The following WWOX variants were observed in gnomAD, a reference collection of about 807,000 sequenced individuals.
The protein encoded by WWOX is WW domain containing oxidoreductase.
In WWOX, 69 loss-of-function variants were observed where a neutral mutation model predicts 46.2. The observed-to-expected ratio is 1.49, with a 90% CI of 1.23 to 1.82. The LOEUF is 1.82. WWOX is among the 40% of genes most tolerant of loss of function. WWOX has a pLI of 0.00. For synonymous variants in WWOX, 359 were observed against 202.6 expected, an observed-to-expected ratio of 1.77 and a Z score of -6.56; for missense variants, 919 against 542.6, an observed-to-expected ratio of 1.69 and a Z score of -6.89.
chr16:78,257,813 C>G (rs1011642790), intron 5 of WWOX, among the ~76,000 whole-genome samples: 1 of 152,182 alleles, frequency 6.6e-6, no homozygotes. Flanking sequence ...CCTTCTAAGA[C>G]TTAGATTCTG....
At chr16:78,864,819 G>A (rs1359062506) in intron 8 of WWOX, among the ~76,000 whole-genome samples, 2 of 137,792 alleles carry the variant, frequency 1.5e-5, no homozygotes, top group Non-Finnish European at 3.0e-5. Flanking sequence ...CTGGAGTGCA[G>A]TGGTGTGAAC....
At chr16:79,071,582 T>TCC (rs2048552159) in intron 8 of WWOX, among the ~76,000 whole-genome samples, 1 of 152,244 alleles carries the variant, frequency 6.6e-6, no homozygotes, top group Non-Finnish European at 1.5e-5. Context: ...CTTCACTGGC[T>TCC]CTCTGCCAGC....
intron 4 of WWOX, among the ~76,000 whole-genome samples, chr16:78,125,727 C>G (rs1010111480): frequency 1.3e-5 from 2 of 152,034 alleles, no homozygotes; most frequent in African/African-American, 4.8e-5. Flanking sequence ...AAAGCTGAAG[C>G]TTTCTTTACC....
At chr16:79,210,321 A>T (rs2051682467) in intron 8 of WWOX, among the ~76,000 whole-genome samples, 1 of 152,172 alleles carries the variant, frequency 6.6e-6, no homozygotes, top group African/African-American at 2.4e-5. Context: ...CCTATTTCTC[A>T]GTATGGACCT....
chr16:78,404,177 G>T (rs372330754), intron 6 of WWOX, among the ~76,000 whole-genome samples: 2 of 152,084 alleles, frequency 1.3e-5, no homozygotes, highest in East Asian at 3.8e-4. Context: ...GGAGGGACTC[G>T]GGGGTTTTTT....
chr16:78,757,107 T>C (rs897458593), intron 8 of WWOX: 4 of 692,396 alleles, frequency 5.8e-6, no homozygotes, highest in East Asian at 2.7e-5. Flanking sequence ...GGAACTTTAT[T>C]TGAGCCCCTA....
At chr16:78,562,979 A>G (rs1159495602) in intron 8 of WWOX, among the ~76,000 whole-genome samples, 1 of 147,326 alleles carries the variant, frequency 6.8e-6, no homozygotes, top group African/African-American at 2.6e-5. Context: ...AAAGCTTTAC[A>G]GATGTTCTTT....
chr16:78,762,661 T>G (rs1040365668), intron 8 of WWOX, among the ~76,000 whole-genome samples: 1 of 152,168 alleles, frequency 6.6e-6, no homozygotes, highest in Non-Finnish European at 1.5e-5. Context: ...AGCTTACTCC[T>G]AAGCTAATTG....
At chr16:78,956,890 T>C (rs889502735) in intron 8 of WWOX, among the ~76,000 whole-genome samples, 1 of 152,126 alleles carries the variant, frequency 6.6e-6, no homozygotes, top group Admixed American at 6.6e-5. Context: ...CCACTCAAAA[T>C]TCTGGGAAAT....
At chr16:78,675,011 T>C (rs559767948) in intron 8 of WWOX, among the ~76,000 whole-genome samples, 28 of 152,298 alleles carry the variant, frequency 1.8e-4, no homozygotes, top group African/African-American at 6.5e-4. Context: ...ATCTTAAATA[T>C]TTGTGTTAAT....
At chr16:79,120,710 C>T (rs1165717707) in intron 8 of WWOX, among the ~76,000 whole-genome samples, 1 of 152,192 alleles carries the variant, frequency 6.6e-6, no homozygotes, top group Admixed American at 6.5e-5. Context: ...CTATCTGTGC[C>T]TCCATGGTCA....
At chr16:78,567,189 C>G (rs1210624366) in intron 8 of WWOX, among the ~76,000 whole-genome samples, 2 of 152,176 alleles carry the variant, frequency 1.3e-5, no homozygotes, top group Non-Finnish European at 2.9e-5. Flanking sequence ...AAGCCCCCAT[C>G]ATGTCCTGAC....
intron 5 of WWOX, among the ~76,000 whole-genome samples, chr16:78,180,339 A>G (rs1431975991): frequency 6.6e-6 from 1 of 152,154 alleles, no homozygotes; most frequent in Non-Finnish European, 1.5e-5. Flanking sequence ...GCTGCACCTG[A>G]GAGTAGGGGG....
At chr16:78,925,794 G>C (rs2045483805) in intron 8 of WWOX, among the ~76,000 whole-genome samples, 1 of 152,202 alleles carries the variant, frequency 6.6e-6, no homozygotes, top group Non-Finnish European at 1.5e-5. Flanking sequence ...TGGCCAATAA[G>C]AAAGCAGTGC....
chr16:79,161,229 C>T (rs2050480617), intron 8 of WWOX, among the ~76,000 whole-genome samples: 2 of 152,016 alleles, frequency 1.3e-5, no homozygotes, highest in Non-Finnish European at 2.9e-5. Flanking sequence ...TGCACACAGG[C>T]AAGTGAAGGT....
At chr16:78,715,900 C>T (rs1051858423) in intron 8 of WWOX, among the ~76,000 whole-genome samples, 10 of 152,062 alleles carry the variant, frequency 6.6e-5, no homozygotes, top group South Asian at 2.1e-4. Flanking sequence ...TGCTGGGATA[C>T]GATGGAAGCC....
At chr16:78,127,146 C>G (rs1026109030) in intron 4 of WWOX, among the ~76,000 whole-genome samples, 1 of 152,176 alleles carries the variant, frequency 6.6e-6, no homozygotes, top group Non-Finnish European at 1.5e-5. Flanking sequence ...AAGTTACTTT[C>G]CTTCTCAGAA....
intron 8 of WWOX, among the ~76,000 whole-genome samples, chr16:78,823,477 C>A (rs2051561477): frequency 1.3e-5 from 2 of 152,162 alleles, no homozygotes; most frequent in African/African-American, 4.8e-5. Context: ...ACCATGGTGA[C>A]CCACATCTCA....
At chr16:78,990,916 A>G (rs962233293) in intron 8 of WWOX, among the ~76,000 whole-genome samples, 4 of 152,230 alleles carry the variant, frequency 2.6e-5, no homozygotes, top group African/African-American at 9.6e-5. Context: ...CCCTTAAGAG[A>G]GAGGTGTCAT....
Sources: gnomAD v4.1 joint callset for allele counts (sites outside exome capture counted in the v4.1 genomes callset) on GRCh38, gnomAD v4.1.1 for gene constraint, MANE v1.5 for transcripts, NCBI Gene and HGNC (gene_info 2026-07-23, HGNC 2026-07-21) for gene names.